Variants in NRXN1 observed in about 807,000 individuals in gnomAD.
NRXN1 encodes neurexin 1.
Under a neutral mutation model 150.9 loss-of-function variants are expected in NRXN1, and 39 were observed. That is an observed-to-expected ratio of 0.26 (90% CI 0.20 to 0.34). NRXN1 has a LOEUF of 0.34. Ranked by LOEUF, NRXN1 falls within the 10% of genes least tolerant of loss-of-function variation. NRXN1 has a pLI of 1.00. For synonymous variants in NRXN1, 924 were observed against 757.0 expected (o/e 1.22, Z -3.62); for missense variants, 1,815 against 1,949.9 (o/e 0.93, Z 1.30).
chr2:50,685,780 G>A (rs9284755), intron 5 of NRXN1, among the ~76,000 whole-genome samples: 7 of 151,972 alleles, frequency 4.6e-5, no homozygotes, highest in Admixed American at 4.6e-4. Flanking sequence ...AACCTAAAAG[G>A]TGATGCATCA....
intron 21 of NRXN1, among the ~76,000 whole-genome samples, chr2:49,959,575 T>C (rs894988539): frequency 4.6e-5 from 7 of 152,230 alleles, no homozygotes; most frequent in Admixed American, 4.6e-4. Flanking sequence ...GGAGTCAGAC[T>C]TACCCAAGTT....
At chr2:50,518,580 G>C (rs2092693772) in intron 12 of NRXN1, among the ~76,000 whole-genome samples, 1 of 151,854 alleles carries the variant, frequency 6.6e-6, no homozygotes, top group African/African-American at 2.4e-5. Context: ...TGGGTCCTGA[G>C]CATTTGGATA....
intron 5 of NRXN1, among the ~76,000 whole-genome samples, chr2:50,870,222 A>G (rs1223447267): frequency 1.3e-5 from 2 of 151,924 alleles, no homozygotes; most frequent in Non-Finnish European, 2.9e-5. Flanking sequence ...TATAATTATT[A>G]TTCATTTATT....
intron 4 of NRXN1, 103 bp from the exon 5 acceptor site, chr2:50,921,983 T>C: frequency 1.8e-6 from 1 of 554,750 alleles, no homozygotes. Context: ...GTAAAGCCAC[T>C]ACTCTCTGAA....
intron 5 of NRXN1, among the ~76,000 whole-genome samples, chr2:50,803,964 G>A (rs528038188): frequency 6.6e-6 from 1 of 152,046 alleles, no homozygotes; most frequent in Non-Finnish European, 1.5e-5. Context: ...CAGAAGCTTT[G>A]TTGCATTTTC....
chr2:50,270,861 G>C (rs750614753), intron 17 of NRXN1, among the ~76,000 whole-genome samples: 1 of 151,966 alleles, frequency 6.6e-6, no homozygotes, highest in Non-Finnish European at 1.5e-5. Flanking sequence ...TTTTCACCAC[G>C]TTGGCCAGGC....
intron 21 of NRXN1, among the ~76,000 whole-genome samples, chr2:49,990,920 C>T (rs1171154936): frequency 3.9e-5 from 6 of 152,040 alleles, no homozygotes; most frequent in Admixed American, 3.9e-4. Context: ...GTGGTGGTAG[C>T]AAGGTACAAA....
intron 5 of NRXN1, among the ~76,000 whole-genome samples, chr2:50,858,615 T>A (rs1330111385): frequency 1.3e-5 from 2 of 152,132 alleles, no homozygotes; most frequent in East Asian, 3.9e-4. Flanking sequence ...AATGAAGCTA[T>A]GCTTCTTATT....
intron 19 of NRXN1, among the ~76,000 whole-genome samples, chr2:50,060,376 G>A (rs1047600285): frequency 3.3e-5 from 5 of 152,018 alleles, no homozygotes; most frequent in African/African-American, 7.2e-5. Context: ...GCACCCCCAC[G>A]GAATCTAGGA....
In NRXN1 at chr2:50,378,907, A is replaced by G. The variant is rs540668148; in HGVS notation, c.3364+86535T>C. Among the ~76,000 whole-genome samples the G allele has an allele frequency of 5.9e-5, 9 of 152,184 alleles. No individual in the cohort carries two copies. In the South Asian group the frequency reaches 1.9e-3, roughly 32 times the overall value. ...ATATGGGTTGCCGGACTTTTCTCTC[A>G]CTTACATAATTTTGAAATAATTTGT... On this transcript the variant is annotated intron_variant, in intron 17 of 22. Transcript: ENST00000401669.
chr2:50,214,779 G>A (rs770705231), intron 18 of NRXN1, among the ~76,000 whole-genome samples: 3 of 151,782 alleles, frequency 2.0e-5, no homozygotes, highest in Admixed American at 6.6e-5. Flanking sequence ...ATGATTTTTG[G>A]AAACCACATA....
chr2:50,129,101 T>C (rs2152745169), intron 18 of NRXN1, among the ~76,000 whole-genome samples: 1 of 152,312 alleles, frequency 6.6e-6, no homozygotes, highest in South Asian at 2.1e-4. Context: ...ATGATTTTGC[T>C]GATCTCTTAG....
At chr2:50,947,353 T>C (rs1439267345) in intron 2 of NRXN1, among the ~76,000 whole-genome samples, 2 of 151,946 alleles carry the variant, frequency 1.3e-5, no homozygotes, top group South Asian at 2.1e-4. Context: ...AGTTCAAATA[T>C]ACAAATACTA....
chr2:50,271,552 C>T (rs566724206), intron 17 of NRXN1, among the ~76,000 whole-genome samples: 215 of 152,204 alleles, frequency 1.4e-3, no homozygotes, highest in Non-Finnish European at 2.5e-3. Flanking sequence ...GGTGTTAAAA[C>T]ATATTAGGAC....
chr2:50,618,033 GATT>G (rs747287805), intron 8 of NRXN1, among the ~76,000 whole-genome samples: 8 of 152,198 alleles, frequency 5.3e-5, no homozygotes, highest in Admixed American at 2.6e-4. Context: ...TCTTTAGTTA[GATT>G]CCCATTTCTG....
At chr2:50,146,415 C>G (rs562199738) in intron 18 of NRXN1, among the ~76,000 whole-genome samples, 25 of 151,858 alleles carry the variant, frequency 1.6e-4, no homozygotes, top group African/African-American at 5.8e-4. Flanking sequence ...ATAGCAAAGA[C>G]TTGGAACCAA....
intron 18 of NRXN1, among the ~76,000 whole-genome samples, chr2:50,175,798 C>A (rs1476196): frequency 0.13 from 20,241 of 152,094 alleles, 1,486 homozygotes; most frequent in African/African-American, 0.19. Context: ...ACACACAAAT[C>A]TTCCCATTGA....
chr2:50,275,913 G>A (rs1026374159), intron 17 of NRXN1, among the ~76,000 whole-genome samples: 1 of 147,282 alleles, frequency 6.8e-6, no homozygotes, highest in Admixed American at 6.9e-5. Context: ...CCTGCATTCT[G>A]CCAAATAAAT....
chr2:50,972,597 T>C (rs186691957), intron 2 of NRXN1, among the ~76,000 whole-genome samples: 1 of 152,192 alleles, frequency 6.6e-6, no homozygotes, highest in East Asian at 1.9e-4. Context: ...CTCACCATAA[T>C]ATAGAATCAG....
Sources: gnomAD v4.1 joint callset for allele counts (sites outside exome capture counted in the v4.1 genomes callset) on GRCh38, gnomAD v4.1.1 for gene constraint, MANE v1.5 for transcripts, NCBI Gene and HGNC (gene_info 2026-07-23, HGNC 2026-07-21) for gene names.